PTPRD: variants seen among roughly 807,000 people sequenced by gnomAD.
PTPRD encodes protein tyrosine phosphatase receptor type D, also known as receptor-type tyrosine-protein phosphatase delta.
Under a neutral mutation model 214.5 loss-of-function variants are expected in PTPRD, and 34 were observed. The observed-to-expected ratio is 0.16, with a 90% CI of 0.12 to 0.21. The LOEUF is 0.21. Ranked by LOEUF, PTPRD falls within the 10% of genes least tolerant of loss-of-function variation. PTPRD has a pLI of 1.00. For missense variants in PTPRD, 2,545 were observed against 2,398.7 expected (o/e 1.06, Z -1.27); for synonymous variants, 1,128 against 845.7 (o/e 1.33, Z -5.79).
chr9:8,317,422 A>ATGTT lies in PTPRD; in HGVS notation c.*448_*451dup, dbSNP rs1822748505. On this transcript the variant is annotated 3_prime_UTR_variant, in exon 46 of 46. Transcript: ENST00000381196. ...ACATTCCCTCCCCTTTCCCCCTAAA[A>ATGTT]TGTTATTATGAGCAGTATGGTGGGA... 4.3e-6 allele frequency: 1 copy of ATGTT among 233,230 alleles called. No homozygotes were observed. Among genetic ancestry groups the ATGTT allele is most frequent in the Non-Finnish European group, 8.5e-6 (1 of 117,778 alleles). The allele number at this position is 233,230 out of a possible 1,614,324, so 14.4% of individuals were successfully genotyped here.
At chr9:9,872,349 CA>C (rs1379883667) in intron 5 of PTPRD, among the ~76,000 whole-genome samples, 1 of 152,010 alleles carries the variant, frequency 6.6e-6, no homozygotes, top group Non-Finnish European at 1.5e-5. Flanking sequence ...GCTGTAATTC[CA>C]ATACTTTGGG....
Position 8,732,630 on chromosome 9 carries a change from T to C in PTPRD, c.64+1150A>G, listed in dbSNP as rs1420553315. On this transcript the variant is annotated intron_variant, in intron 12 of 45. Transcript: ENST00000381196. ...CCCAAGTGCTAATTAGGAAACTATA[T>C]ACATTATTAACCAGAGAATGTTGTG... Among the ~76,000 whole-genome samples the C allele has an allele frequency of 2.0e-5, 3 of 152,362 alleles. No individual in the cohort carries two copies. In the East Asian group the frequency reaches 5.8e-4, roughly 29 times the overall value.
chr9:10,600,621 T>C (rs79896119), intron 2 of PTPRD, among the ~76,000 whole-genome samples: 1 of 151,656 alleles, frequency 6.6e-6, no homozygotes, highest in Non-Finnish European at 1.5e-5. Flanking sequence ...AGACACAACA[T>C]AAAATTTAGC....
intron 2 of PTPRD, among the ~76,000 whole-genome samples, chr9:10,537,424 T>C (rs190271135): frequency 3.7e-4 from 56 of 152,308 alleles, no homozygotes; most frequent in Non-Finnish European, 5.4e-4. Flanking sequence ...CTTATTTTTA[T>C]AATGTGAGAT....
intron 5 of PTPRD, among the ~76,000 whole-genome samples, chr9:9,769,766 CA>C (rs2098737160): frequency 6.6e-6 from 1 of 152,086 alleles, no homozygotes; most frequent in African/African-American, 2.4e-5. Flanking sequence ...CCTAGCCCCC[CA>C]CCCACCAACA....
chr9:9,682,113 T>C lies in PTPRD; in HGVS notation c.-287+52420A>G, dbSNP rs188506445. On this transcript the variant is annotated intron_variant, in intron 7 of 45. Coordinates refer to ENST00000381196, the MANE Select transcript of PTPRD (RefSeq NM_002839.4). ...AGCCCCTGGAAAACAGCAAAGTGAT[T>C]GTTTAACACAAACCTGGCACTAATC... 6.3e-4 allele frequency among the ~76,000 whole-genome samples: 95 copies of C among 151,910 alleles called. No homozygotes were observed. The South Asian group carries it at 7.9e-3, about 13-fold the overall frequency.
intron 5 of PTPRD, among the ~76,000 whole-genome samples, chr9:9,928,983 A>C (rs1384741745): frequency 2.0e-5 from 3 of 152,210 alleles, no homozygotes; most frequent in Non-Finnish European, 4.4e-5. Flanking sequence ...ACTATTTAGA[A>C]CAAATAAATG....
chr9:9,280,553 T>C (rs1385851897), intron 9 of PTPRD, among the ~76,000 whole-genome samples: 1 of 151,252 alleles, frequency 6.6e-6, no homozygotes, highest in Non-Finnish European at 1.5e-5. Context: ...AATGGAATAG[T>C]TAAGCATAAA....
At chr9:9,634,055 T>C (rs1429099789) in intron 7 of PTPRD, among the ~76,000 whole-genome samples, 1 of 152,148 alleles carries the variant, frequency 6.6e-6, no homozygotes, top group African/African-American at 2.4e-5. Context: ...TTCTTTTTAT[T>C]TTTTACTTAA....
chr9:10,534,375 T>A (rs1163413147), intron 2 of PTPRD, among the ~76,000 whole-genome samples: 1 of 152,068 alleles, frequency 6.6e-6, no homozygotes, highest in East Asian at 1.9e-4. Flanking sequence ...TTAACTTTCA[T>A]GATAAAATAT....
intron 9 of PTPRD, among the ~76,000 whole-genome samples, chr9:9,386,977 C>T (rs952013239): frequency 1.5e-4 from 23 of 152,290 alleles, no homozygotes; most frequent in African/African-American, 5.5e-4. Flanking sequence ...GAATTTGTGT[C>T]CTAACAGCTC....
At chr9:9,401,853 C>G (rs1027072929) in intron 8 of PTPRD, among the ~76,000 whole-genome samples, 2 of 151,926 alleles carry the variant, frequency 1.3e-5, no homozygotes, top group Non-Finnish European at 2.9e-5. Flanking sequence ...CTCGGCAATT[C>G]TTTCTGCCTT....
At chr9:8,673,340 G>T (rs960142394) in intron 12 of PTPRD, among the ~76,000 whole-genome samples, 2 of 152,058 alleles carry the variant, frequency 1.3e-5, no homozygotes, top group African/African-American at 4.8e-5. Flanking sequence ...AGCTTGAGTT[G>T]GCTCCATCTG....
rs529113456 is a variant in PTPRD at position 9,911,049 on chromosome 9, G to C, written c.-368+27458C>G. 9.2e-5 allele frequency among the ~76,000 whole-genome samples: 14 copies of C among 151,896 alleles called. No individual in the cohort carries two copies. The East Asian group carries it at 9.7e-4, about 11-fold the overall frequency. ...GCTAACTCCTTACAGTTGATAGTTTGTTCTTCCATTTCCAGTCTGCTTGGC... is the reference window on the plus strand; with the variant it reads ...GCTAACTCCTTACAGTTGATAGTTTCTTCTTCCATTTCCAGTCTGCTTGGC... On this transcript the variant is annotated intron_variant, in intron 5 of 45. Coordinates refer to ENST00000381196, the MANE Select transcript of PTPRD (RefSeq NM_002839.4).
intron 5 of PTPRD, among the ~76,000 whole-genome samples, chr9:9,857,494 T>C (rs1410965397): frequency 6.6e-6 from 1 of 152,192 alleles, no homozygotes; most frequent in Middle Eastern, 3.2e-3. Context: ...TCCTATAGCC[T>C]AATAGAGTCA....
chr9:10,457,968 C>A (rs151320110), intron 2 of PTPRD, among the ~76,000 whole-genome samples: 1 of 151,780 alleles, frequency 6.6e-6, no homozygotes, highest in South Asian at 2.1e-4. Context: ...AAAATTGATA[C>A]ATTACTCAAA....
intron 10 of PTPRD, among the ~76,000 whole-genome samples, chr9:9,091,908 T>C (rs886590510): frequency 2.0e-5 from 3 of 152,190 alleles, no homozygotes; most frequent in African/African-American, 7.2e-5. Flanking sequence ...AAAACCTAAT[T>C]AACAAAAAAT....
chr9:9,967,505 A>T (rs1587682340), intron 4 of PTPRD, among the ~76,000 whole-genome samples: 1 of 152,214 alleles, frequency 6.6e-6, no homozygotes, highest in East Asian at 1.9e-4. Flanking sequence ...ATTATGTATT[A>T]GAAGGTATGC....
chr9:8,601,055 C>T (rs1202259681), intron 14 of PTPRD, among the ~76,000 whole-genome samples: 1 of 152,072 alleles, frequency 6.6e-6, no homozygotes, highest in Non-Finnish European at 1.5e-5. Flanking sequence ...CTGGCAGCCA[C>T]AAGCTGACTG....
Sources: gnomAD v4.1 joint callset for allele counts (sites outside exome capture counted in the v4.1 genomes callset) on GRCh38, gnomAD v4.1.1 for gene constraint, MANE v1.5 for transcripts, NCBI Gene and HGNC (gene_info 2026-07-23, HGNC 2026-07-21) for gene names.